Variants in CNTNAP2 observed in about 807,000 individuals in gnomAD.
CNTNAP2 encodes contactin-associated protein-like 2.
CNTNAP2 carries 98 observed loss-of-function variants against 155.2 expected under a neutral mutation model. The ratio of observed to expected loss-of-function variants is 0.63; its 90% CI spans 0.54 to 0.75. CNTNAP2 has a LOEUF of 0.75. Ranked by LOEUF, CNTNAP2 falls within the 30% of genes least tolerant of loss-of-function variation. The pLI is 0.00. For synonymous variants in CNTNAP2, 651 were observed against 631.2 expected, an observed-to-expected ratio of 1.03 and a Z score of -0.47; for missense variants, 1,727 against 1,688.1, an observed-to-expected ratio of 1.02 and a Z score of -0.40.
chr7:147,112,827 T>A (rs1800908738), intron 5 of CNTNAP2, among the ~76,000 whole-genome samples: 1 of 151,906 alleles, frequency 6.6e-6, no homozygotes, highest in African/African-American at 2.4e-5. Context: ...TTGCCCGAAG[T>A]TTTGTTGTTG....
chr7:147,672,306 T>C (rs1259478979), intron 13 of CNTNAP2: 2 of 152,238 alleles, frequency 1.3e-5, no homozygotes, highest in Non-Finnish European at 2.9e-5. Flanking sequence ...TTTCTAAATT[T>C]GAATTGTTTA....
chr7:146,600,735 A>G (rs1307668155), intron 1 of CNTNAP2, among the ~76,000 whole-genome samples: 1 of 152,120 alleles, frequency 6.6e-6, no homozygotes. Flanking sequence ...TTTGACCTCC[A>G]TGAGAAAACA....
At chr7:147,474,420 C>T (rs1004435923) in intron 10 of CNTNAP2, among the ~76,000 whole-genome samples, 1 of 152,068 alleles carries the variant, frequency 6.6e-6, no homozygotes, top group Non-Finnish European at 1.5e-5. Context: ...CATGGTGAAA[C>T]CCCGTCTCTA....
chr7:146,638,465 G>A (rs556594629), intron 1 of CNTNAP2, among the ~76,000 whole-genome samples: 47 of 132,712 alleles, frequency 3.5e-4, no homozygotes, highest in African/African-American at 1.2e-3. Context: ...GTTTAATACA[G>A]TCAGGTGTTT....
chr7:146,265,224 A>G (rs1799976093), intron 1 of CNTNAP2, among the ~76,000 whole-genome samples: 1 of 152,152 alleles, frequency 6.6e-6, no homozygotes, highest in Non-Finnish European at 1.5e-5. Context: ...ACCATTATGT[A>G]TGTATGTACT....
intron 3 of CNTNAP2, chr7:146,963,148 C>G (rs190529921): frequency 1.3e-5 from 2 of 152,072 alleles, no homozygotes; most frequent in Non-Finnish European, 2.9e-5. Context: ...GTTTGGCTAC[C>G]GCGAAATGTA....
At chr7:147,719,281 T>G (rs1388480574) in intron 13 of CNTNAP2, among the ~76,000 whole-genome samples, 1 of 152,018 alleles carries the variant, frequency 6.6e-6, no homozygotes, top group African/African-American at 2.4e-5. Context: ...GAATGTTTTT[T>G]CTCTCTCTCT....
chr7:146,220,025 G>A lies in CNTNAP2; in HGVS notation c.97+103052G>A, dbSNP rs76840771. ...AGGTGATGACACCTAATTACTGATC[G>A]AGCTGACACTAAATCCAGTTCTCCT... On this transcript the variant is annotated intron_variant, in intron 1 of 23. Coordinates refer to ENST00000361727, the MANE Select transcript of CNTNAP2 (RefSeq NM_014141.6). Among the ~76,000 whole-genome samples the A allele has an allele frequency of 5.3e-5, 8 of 152,172 alleles. No homozygotes were observed. The East Asian group carries it at 1.4e-3, about 26-fold the overall frequency.
At chr7:147,963,819 A>G (rs540939420) in intron 14 of CNTNAP2, among the ~76,000 whole-genome samples, 1 of 152,264 alleles carries the variant, frequency 6.6e-6, no homozygotes, top group South Asian at 2.1e-4. Context: ...GTTACATATT[A>G]GTATACCCAT....
At chr7:147,766,064 G>A (rs964657703) in intron 13 of CNTNAP2, among the ~76,000 whole-genome samples, 1 of 152,132 alleles carries the variant, frequency 6.6e-6, no homozygotes, top group Non-Finnish European at 1.5e-5. Context: ...GTAGGCTGGG[G>A]CCAAGGGTAG....
chr7:146,998,339 C>T lies in CNTNAP2; in HGVS notation c.403-45568C>T, dbSNP rs1354763585. ...TATTTCCATTTATTTGGGAATTTTC[C>T]AACGTTCCCCCTGTTATTGATTTCT... On this transcript the variant is annotated intron_variant, in intron 3 of 23. Coordinates refer to ENST00000361727, the MANE Select transcript of CNTNAP2 (RefSeq NM_014141.6). 4.0e-5 allele frequency among the ~76,000 whole-genome samples: 6 copies of T among 151,726 alleles called. No homozygotes were observed. The East Asian group carries it at 1.2e-3, about 29-fold the overall frequency.
chr7:146,177,017 G>T (rs1456880771), intron 1 of CNTNAP2, among the ~76,000 whole-genome samples: 1 of 152,106 alleles, frequency 6.6e-6, no homozygotes, highest in Admixed American at 6.5e-5. Flanking sequence ...GCCTGAGAGG[G>T]TTAGAGATCC....
rs562880489 is a variant in CNTNAP2, at chr7:146,867,727, G to A, written c.402+27823G>A. Reference sequence around the variant, plus strand: ...TTGTAGCCATTCTGACTGGCGTGAGGTGGTATCTCATTGTGGTTTTGATTT... The same window carrying A: ...TTGTAGCCATTCTGACTGGCGTGAGATGGTATCTCATTGTGGTTTTGATTT... On this transcript the variant is annotated intron_variant, in intron 3 of 23. Coordinates refer to ENST00000361727, the MANE Select transcript of CNTNAP2 (RefSeq NM_014141.6). 1.1e-4 allele frequency among the ~76,000 whole-genome samples: 17 copies of A among 151,006 alleles called. No homozygotes were observed. In the South Asian group the frequency reaches 3.6e-3, roughly 32 times the overall value.
At chr7:146,911,614 C>G (rs1425953650) in intron 3 of CNTNAP2, among the ~76,000 whole-genome samples, 2 of 133,082 alleles carry the variant, frequency 1.5e-5, no homozygotes, top group Admixed American at 9.6e-5. Context: ...AATGAGATCA[C>G]ATGGACACAT....
chr7:147,298,541 T>A (rs976862779), intron 8 of CNTNAP2, among the ~76,000 whole-genome samples: 5 of 152,228 alleles, frequency 3.3e-5, no homozygotes, highest in Admixed American at 6.5e-5. Flanking sequence ...GAGTAACTAC[T>A]ACAAACATGT....
chr7:146,256,321 T>A (rs1799836165), intron 1 of CNTNAP2, among the ~76,000 whole-genome samples: 1 of 152,194 alleles, frequency 6.6e-6, no homozygotes, highest in African/African-American at 2.4e-5. Flanking sequence ...ATGGAACATA[T>A]AATAAAATGT....
intron 3 of CNTNAP2, among the ~76,000 whole-genome samples, chr7:146,843,835 A>G (rs6464775): frequency 0.3 from 44,952 of 151,908 alleles, 6,703 homozygotes; most frequent in African/African-American, 0.33. Context: ...CTGGACTTGA[A>G]GAGAATTCTG....
intron 1 of CNTNAP2, among the ~76,000 whole-genome samples, chr7:146,615,771 C>G (rs1039471342): frequency 2.0e-5 from 3 of 152,158 alleles, no homozygotes; most frequent in Non-Finnish European, 2.9e-5. Flanking sequence ...GGGGAGAAAC[C>G]TGAGACACAG....
In CNTNAP2 at chr7:146,795,941, T is replaced by C. The variant is rs570687814; in HGVS notation, c.208+21560T>C. ...ATCACTGTTCAAAGCATATGCTACA[T>C]TTTATATAAAGAAATACAATTTGAA... is the stretch of plus-strand genomic sequence containing the variant. On this transcript the variant is annotated intron_variant, in intron 2 of 23. Transcript: ENST00000361727. Among the ~76,000 whole-genome samples the C allele has an allele frequency of 3.3e-5, 5 of 152,302 alleles. No individual in the cohort carries two copies. In the East Asian group the frequency reaches 9.7e-4, roughly 29 times the overall value.
Sources: gnomAD v4.1 joint callset for allele counts (sites outside exome capture counted in the v4.1 genomes callset) on GRCh38, gnomAD v4.1.1 for gene constraint, MANE v1.5 for transcripts, NCBI Gene and HGNC (gene_info 2026-07-23, HGNC 2026-07-21) for gene names.